DLGAP1: variants seen among roughly 807,000 people sequenced by gnomAD.
DLGAP1 encodes the protein disks large-associated protein 1.
A neutral mutation model predicts 90.8 loss-of-function variants in DLGAP1; 11 were observed. The ratio of observed to expected loss-of-function variants is 0.12; its 90% CI spans 0.08 to 0.20. DLGAP1 has a LOEUF of 0.20. DLGAP1 is among the 10% of genes least tolerant of loss of function. The probability of loss-of-function intolerance (pLI) is 1.00; values close to 1 mark genes in which losing one functional copy is unlikely to be tolerated. For missense variants in DLGAP1, 1,050 were observed against 1,333.8 expected, an observed-to-expected ratio of 0.79 and a Z score of 3.31; for synonymous variants, 558 against 540.7, an observed-to-expected ratio of 1.03 and a Z score of -0.44.
At chr18:3,903,729 C>A (rs1309039689) in intron 3 of DLGAP1, among the ~76,000 whole-genome samples, 2 of 152,168 alleles carry the variant, frequency 1.3e-5, no homozygotes, top group Non-Finnish European at 2.9e-5. Context: ...GTTGACCATT[C>A]CTTTCAGGGG....
intron 1 of DLGAP1, among the ~76,000 whole-genome samples, chr18:4,170,055 T>C (rs931134369): frequency 6.6e-6 from 1 of 152,102 alleles, no homozygotes; most frequent in African/African-American, 2.4e-5. Flanking sequence ...AAGAGACACA[T>C]GATGATGGAA....
intron 1 of DLGAP1, among the ~76,000 whole-genome samples, chr18:4,328,238 T>G (rs1023759276): frequency 6.6e-6 from 1 of 151,972 alleles, no homozygotes; most frequent in South Asian, 2.1e-4. Flanking sequence ...CTCTCTCTCT[T>G]TAAGCTGTGT....
intron 9 of DLGAP1, among the ~76,000 whole-genome samples, chr18:3,566,176 A>T (rs1222191693): frequency 6.6e-6 from 1 of 151,428 alleles, no homozygotes; most frequent in African/African-American, 2.5e-5. Context: ...AATGTTTCAC[A>T]ATTGTTTACC....
chr18:4,440,200 G>A (rs1225319106), intron 1 of DLGAP1, among the ~76,000 whole-genome samples: 3 of 151,266 alleles, frequency 2.0e-5, no homozygotes, highest in Non-Finnish European at 2.9e-5. Context: ...ATGTCAAGAG[G>A]ACTGGGGAGT....
At position 3,565,836 on chromosome 18, in the gene DLGAP1, A is replaced by G. The variant is rs894288384; in HGVS notation, c.2057+1654T>C. On this transcript the variant is annotated intron_variant, in intron 9 of 12. Coordinates refer to ENST00000315677, the MANE Select transcript of DLGAP1 (RefSeq NM_004746.4). This position sits in a 1 kb window ranked among gnomAD's most constrained non-coding sequence, Gnocchi z 4.0. The stretch of plus-strand genomic sequence containing the variant: ...GGCGACAGAGTGAGACTCTGTCTCA[A>G]AAAAACCACACACAAAAAACAAACA... 4.7e-5 allele frequency among the ~76,000 whole-genome samples: 7 copies of G among 150,536 alleles called. No homozygotes were observed. Among genetic ancestry groups the G allele is most frequent in the Non-Finnish European group, 4.4e-5 (3 of 67,762 alleles).
At chr18:4,423,693 C>A (rs1165942995) in intron 1 of DLGAP1, among the ~76,000 whole-genome samples, 3 of 151,848 alleles carry the variant, frequency 2.0e-5, no homozygotes, top group African/African-American at 7.3e-5. Flanking sequence ...CTAACACATA[C>A]CTAATTATGA....
At chr18:3,949,115 T>C (rs140922150) in intron 3 of DLGAP1, among the ~76,000 whole-genome samples, 109 of 152,260 alleles carry the variant, frequency 7.2e-4, no homozygotes, top group African/African-American at 2.5e-3. Flanking sequence ...GCCCTGGACC[T>C]TCATACATGA....
intron 4 of DLGAP1, among the ~76,000 whole-genome samples, chr18:3,861,309 A>T (rs2070037921): frequency 6.6e-6 from 1 of 152,228 alleles, no homozygotes; most frequent in Non-Finnish European, 1.5e-5. Flanking sequence ...ATTATTCTAC[A>T]GGCTTTCCTA....
At chr18:3,528,074 C>T (rs376715557) in intron 10 of DLGAP1, among the ~76,000 whole-genome samples, 1 of 152,112 alleles carries the variant, frequency 6.6e-6, no homozygotes. Context: ...TTCCCTCTAT[C>T]CTATTTATCT....
intron 1 of DLGAP1, among the ~76,000 whole-genome samples, chr18:4,301,582 G>T (rs1321056626): frequency 2.0e-5 from 3 of 152,200 alleles, no homozygotes; most frequent in Non-Finnish European, 4.4e-5. Flanking sequence ...CTTGGCTGTT[G>T]TGAACAATGC....
chr18:3,682,714 A>C (rs1181675998), intron 7 of DLGAP1, among the ~76,000 whole-genome samples: 1 of 152,150 alleles, frequency 6.6e-6, no homozygotes, highest in Non-Finnish European at 1.5e-5. Context: ...TAGCCCTCTG[A>C]GGACTGGTGT....
intron 7 of DLGAP1, among the ~76,000 whole-genome samples, chr18:3,663,128 G>C: frequency 6.6e-6 from 1 of 152,006 alleles, no homozygotes; most frequent in Non-Finnish European, 1.5e-5. Context: ...AAAATTAGCC[G>C]GGTGTGGTGG....
chr18:3,501,870 C>A (rs765632483), intron 12 of DLGAP1, among the ~76,000 whole-genome samples: 1 of 143,722 alleles, frequency 7.0e-6, no homozygotes, highest in Non-Finnish European at 1.5e-5. Context: ...GAATTTAAGT[C>A]TTTATTTCTA....
chr18:4,238,487 A>G (rs2078464245), intron 1 of DLGAP1, among the ~76,000 whole-genome samples: 1 of 152,194 alleles, frequency 6.6e-6, no homozygotes, highest in Non-Finnish European at 1.5e-5. Context: ...GAAGCAGAAA[A>G]GACGTCTCAG....
intron 1 of DLGAP1, among the ~76,000 whole-genome samples, chr18:4,329,567 T>A (rs763448101): frequency 2.6e-5 from 4 of 151,990 alleles, no homozygotes; most frequent in Non-Finnish European, 5.9e-5. Context: ...TAGGATTACA[T>A]TGAAACTATC....
intron 5 of DLGAP1, among the ~76,000 whole-genome samples, chr18:3,781,003 T>C (rs1033699715): frequency 5.3e-5 from 8 of 152,072 alleles, no homozygotes; most frequent in Non-Finnish European, 8.8e-5. Flanking sequence ...AAAACGTTTT[T>C]TGTAGAGATG....
At chr18:3,795,278 TA>T (rs1441808585) in intron 5 of DLGAP1, among the ~76,000 whole-genome samples, 1 of 152,152 alleles carries the variant, frequency 6.6e-6, no homozygotes, top group East Asian at 1.9e-4. Context: ...AACACTTATT[TA>T]AAAATATATT....
chr18:3,728,322 A>ATATATATG, intron 7 of DLGAP1, among the ~76,000 whole-genome samples: 1 of 88,566 alleles, frequency 1.1e-5, no homozygotes, highest in South Asian at 3.8e-4. Context: ...ATATATATAT[A>ATATATATG]TATATACATG....
intron 1 of DLGAP1, among the ~76,000 whole-genome samples, chr18:4,171,647 A>G (rs777821741): frequency 2.0e-5 from 3 of 152,196 alleles, no homozygotes; most frequent in Admixed American, 6.5e-5. Flanking sequence ...TTGAGAATAC[A>G]TGATTTCAGG....
Sources: allele counts gnomAD v4.1 joint callset (sites outside exome capture counted in the v4.1 genomes callset), GRCh38; gene constraint gnomAD v4.1.1; non-coding constraint Gnocchi (gnomAD v3.1); transcripts MANE v1.5; gene names NCBI Gene and HGNC (gene_info 2026-07-23, HGNC 2026-07-21).